Variants in KAZN observed in about 807,000 individuals in gnomAD.
KAZN encodes kazrin.
Under a neutral mutation model 87.4 loss-of-function variants are expected in KAZN, and 40 were observed. The ratio of observed to expected loss-of-function variants is 0.46; its 90% CI spans 0.36 to 0.60. The LOEUF is 0.60. KAZN is among the 20% of genes least tolerant of loss of function. The pLI, the probability that KAZN is intolerant of heterozygous loss-of-function variation, is 0.00. For missense variants in KAZN, 898 were observed against 1,073.9 expected (o/e 0.84, Z 2.29); for synonymous variants, 466 against 458.3 (o/e 1.02, Z -0.22).
intron 1 of KAZN, among the ~76,000 whole-genome samples, chr1:14,689,447 G>C (rs531578200): frequency 6.6e-6 from 1 of 152,254 alleles, no homozygotes; most frequent in Non-Finnish European, 1.5e-5. Flanking sequence ...ATGTTGATGG[G>C]GGTGGAAATA....
At chr1:14,126,164 G>A (rs148156152) in intron 1 of KAZN, among the ~76,000 whole-genome samples, 336 of 152,230 alleles carry the variant, frequency 2.2e-3, no homozygotes, top group African/African-American at 7.5e-3. Context: ...AGTGAAGCTA[G>A]GATTCCTTAG....
intron 2 of KAZN, among the ~76,000 whole-genome samples, chr1:14,189,718 G>T (rs1007379155): frequency 6.6e-6 from 1 of 152,146 alleles, no homozygotes; most frequent in Non-Finnish European, 1.5e-5. Flanking sequence ...CAAGTTTGCT[G>T]CTATCCCATT....
intron 1 of KAZN, among the ~76,000 whole-genome samples, chr1:14,807,445 C>A (rs1372000413): frequency 1.3e-5 from 2 of 152,118 alleles, no homozygotes; most frequent in African/African-American, 4.8e-5. Context: ...CAACATGATG[C>A]TAGGCCAAAA....
At chr1:14,787,937 G>C (rs1346593471) in intron 1 of KAZN, among the ~76,000 whole-genome samples, 1 of 152,198 alleles carries the variant, frequency 6.6e-6, no homozygotes, top group Non-Finnish European at 1.5e-5. Context: ...GTCAGACTTA[G>C]GACCATGTCA....
intron 1 of KAZN, among the ~76,000 whole-genome samples, chr1:14,766,888 T>G (rs1644898571): frequency 6.6e-6 from 1 of 151,944 alleles, no homozygotes; most frequent in African/African-American, 2.4e-5. Flanking sequence ...AAACATTCAG[T>G]GCCCTTTAGC....
chr1:14,967,084 C>T (rs1572941314), intron 2 of KAZN, among the ~76,000 whole-genome samples: 1 of 152,106 alleles, frequency 6.6e-6, no homozygotes, highest in South Asian at 2.1e-4. Context: ...AGATGATGGG[C>T]GATGGTCACG....
rs147394927 is a variant in KAZN, at chr1:14,300,271, T to TA, written c.249+119679_249+119680insA. Among the ~76,000 whole-genome samples the TA allele has an allele frequency of 1.8e-3, 271 of 151,510 alleles. 1 individual carries two copies. The highest frequency in any genetic ancestry group is 4.2e-3 in the African/African-American group (173 of 41,254). ...GCAGCTATGGAAGAATTTATTTATT[T>TA]TTTTTTAAGACAGAGTCTTACATAA... On this transcript the variant is annotated intron_variant, in intron 2 of 16. Coordinates refer to the KAZN transcript ENST00000636203.
intron 1 of KAZN, among the ~76,000 whole-genome samples, chr1:14,850,176 C>G (rs141717567): frequency 6.6e-6 from 1 of 152,088 alleles, no homozygotes; most frequent in Non-Finnish European, 1.5e-5. Context: ...CCTCGTGATC[C>G]GCCTGCCTCA....
chr1:13,912,749 G>A (rs1179529846), intron 1 of KAZN, among the ~76,000 whole-genome samples: 3 of 152,046 alleles, frequency 2.0e-5, no homozygotes, highest in African/African-American at 7.2e-5. Flanking sequence ...GATTACAGGG[G>A]TGCAGCACCA....
chr1:14,445,121 GT>G (rs1214934227), intron 2 of KAZN, among the ~76,000 whole-genome samples: 1 of 152,002 alleles, frequency 6.6e-6, no homozygotes, highest in Non-Finnish European at 1.5e-5. Flanking sequence ...CGCCTCCCGG[GT>G]TCAAGCTATT....
chr1:15,097,301 C>T (rs867783446), intron 10 of KAZN, among the ~76,000 whole-genome samples: 1 of 152,056 alleles, frequency 6.6e-6, no homozygotes, highest in Non-Finnish European at 1.5e-5. Flanking sequence ...TCCATGGACT[C>T]GGGGGTAAGA....
chr1:14,801,131 G>T (rs12568933), intron 1 of KAZN, among the ~76,000 whole-genome samples: 41,451 of 151,486 alleles, frequency 0.27, 5,959 homozygotes, highest in East Asian at 0.44. Context: ...TCTAATCGTC[G>T]CGGCAAAGCA....
chr1:14,367,932 A>G (rs561910001), intron 2 of KAZN, among the ~76,000 whole-genome samples: 2 of 152,302 alleles, frequency 1.3e-5, no homozygotes, highest in African/African-American at 2.4e-5. Flanking sequence ...ATCTTTCAAA[A>G]TGAACCAGGC....
intron 2 of KAZN, among the ~76,000 whole-genome samples, chr1:14,454,332 A>G (rs1667447758): frequency 6.6e-6 from 1 of 152,264 alleles, no homozygotes; most frequent in Non-Finnish European, 1.5e-5. Context: ...AGTATTTATT[A>G]ACAACCATAT....
At chr1:14,854,664 G>T (rs1184873219) in intron 1 of KAZN, among the ~76,000 whole-genome samples, 1 of 152,072 alleles carries the variant, frequency 6.6e-6, no homozygotes, top group African/African-American at 2.4e-5. Context: ...AGTATGGCAG[G>T]CATTAGACCA....
chr1:15,004,334 C>A (rs1668790334), intron 2 of KAZN, among the ~76,000 whole-genome samples: 1 of 152,180 alleles, frequency 6.6e-6, no homozygotes, highest in South Asian at 2.1e-4. Flanking sequence ...GCTGAGGACG[C>A]CCGCTGTGCA....
At chr1:15,074,802 G>T (rs1245358854) in intron 8 of KAZN, among the ~76,000 whole-genome samples, 2 of 152,200 alleles carry the variant, frequency 1.3e-5, no homozygotes, top group Non-Finnish European at 2.9e-5. Context: ...TTCACCTGCT[G>T]TGCCTTCGTT....
chr1:14,518,626 G>A (rs1671420336), intron 2 of KAZN, among the ~76,000 whole-genome samples: 1 of 152,302 alleles, frequency 6.6e-6, no homozygotes. Flanking sequence ...CCTTCCCATT[G>A]CTGTTGAGCT....
rs12022601 is a variant in KAZN, at chr1:15,012,635, A to C, written c.419-22114A>C. ...AAACCTCTGCACAGAAAATAATGGGATCATGGCCCGGCGTGGTTGCTCACG... is the reference window on the plus strand; with the variant it reads ...AAACCTCTGCACAGAAAATAATGGGCTCATGGCCCGGCGTGGTTGCTCACG... On this transcript the variant is annotated intron_variant, in intron 2 of 14. Transcript: ENST00000376030. Among the ~76,000 whole-genome samples the C allele has an allele frequency of 3.1e-3, 479 of 152,266 alleles. 8 individuals carry two copies. The East Asian group carries it at 0.046, about 15-fold the overall frequency.
Sources: gnomAD v4.1 joint callset for allele counts (sites outside exome capture counted in the v4.1 genomes callset) on GRCh38, gnomAD v4.1.1 for gene constraint, MANE v1.5 for transcripts, NCBI Gene and HGNC (gene_info 2026-07-23, HGNC 2026-07-21) for gene names.